CHL1: variants seen among roughly 807,000 people sequenced by gnomAD.
CHL1 encodes neural cell adhesion molecule L1-like protein.
Under a neutral mutation model 141.9 loss-of-function variants are expected in CHL1, and 96 were observed. The ratio of observed to expected loss-of-function variants is 0.68; its 90% confidence interval spans 0.57 to 0.80. CHL1 has a LOEUF of 0.80. CHL1 is among the 30% of genes least tolerant of loss of function. The pLI is 0.00. For missense variants in CHL1, 1,820 were observed against 1,457.2 expected (o/e 1.25, Z -4.05); for synonymous variants, 613 against 502.2 (o/e 1.22, Z -2.95).
At chr3:358,704 A>C (rs764398432) in intron 11 of CHL1, among the ~76,000 whole-genome samples, 11 of 152,062 alleles carry the variant, frequency 7.2e-5, no homozygotes, top group Non-Finnish European at 1.5e-4. Flanking sequence ...CTCACAGTCA[A>C]GTGAAAAAAA....
chr3:290,983 C>T (rs1019255445), intron 2 of CHL1, among the ~76,000 whole-genome samples: 2 of 150,944 alleles, frequency 1.3e-5, no homozygotes, highest in African/African-American at 4.9e-5. Flanking sequence ...TTAAAACCAC[C>T]AAATTGTTTA....
At chr3:393,070 A>G (rs1303816594) in intron 23 of CHL1, among the ~76,000 whole-genome samples, 2 of 151,984 alleles carry the variant, frequency 1.3e-5, no homozygotes, top group East Asian at 3.9e-4. Context: ...CGTCTCTATT[A>G]AAAATACAAA....
intron 2 of CHL1, among the ~76,000 whole-genome samples, chr3:266,030 G>A (rs1412844086): frequency 6.6e-6 from 1 of 152,182 alleles, no homozygotes; most frequent in Non-Finnish European, 1.5e-5. Flanking sequence ...TGGTATTATT[G>A]GGGGCAGCTC....
At chr3:314,293 C>G (rs1387685075) in intron 2 of CHL1, among the ~76,000 whole-genome samples, 1 of 129,816 alleles carries the variant, frequency 7.7e-6, no homozygotes, top group Non-Finnish European at 1.6e-5. Context: ...TCCCCCCAAT[C>G]TTGCACTCTC....
intron 19 of CHL1, 91 bp from the exon 20 acceptor site, chr3:389,161 A>G (rs1559347555): frequency 1.0e-6 from 1 of 965,362 alleles, no homozygotes; most frequent in Non-Finnish European, 1.6e-6. Flanking sequence ...ATTTCATTAC[A>G]TTGTTCCTTA....
At chr3:392,652 G>C (rs981310189) in intron 23 of CHL1, among the ~76,000 whole-genome samples, 2 of 152,162 alleles carry the variant, frequency 1.3e-5, no homozygotes, top group African/African-American at 4.8e-5. Flanking sequence ...CAGAAATACA[G>C]AGACCCAGCA....
At position 284,642 on chromosome 3, in the gene CHL1, G is replaced by T. The variant is rs548422708; in HGVS notation, c.-94-35041G>T. 3.3e-5 allele frequency among the ~76,000 whole-genome samples: 5 copies of T among 152,304 alleles called. 1 individual carries two copies. Among genetic ancestry groups the T allele is most frequent in the African/African-American group, 1.2e-4 (5 of 41,566 alleles). ...GAACTAGTGATTGTTCACTGAAAAA[G>T]ACAAATTTTAGTTCTATCTTCATGA... On this transcript the variant is annotated intron_variant, in intron 2 of 27. Coordinates refer to ENST00000256509, the MANE Select transcript of CHL1 (RefSeq NM_006614.4).
intron 15 of CHL1, chr3:376,292 A>C: frequency 2.1e-6 from 1 of 468,424 alleles, no homozygotes; most frequent in South Asian, 1.7e-5. Flanking sequence ...TATGTGTGAC[A>C]ACTATTTGTG....
chr3:332,899 C>T (rs1290049832), intron 5 of CHL1, among the ~76,000 whole-genome samples: 1 of 151,946 alleles, frequency 6.6e-6, no homozygotes, highest in East Asian at 1.9e-4. Flanking sequence ...GCTATGGAGA[C>T]ACAAAGGAAA....
chr3:366,192 C>A, intron 15 of CHL1, 77 bp downstream of exon 15: 3 of 1,412,354 alleles, frequency 2.1e-6, no homozygotes, highest in South Asian at 1.2e-5. Context: ...AGTTCTAGGT[C>A]GGGCATGCTG....
rs1434461987 is a variant in CHL1, at chr3:381,732, GC to G, written c.1877-444del. ...GGCTCATGGATGTGGCTCCCTTTAG[GC>G]CCTCAGGAAGAAATTTACAAAAAAT... On this transcript the variant is annotated intron_variant, in intron 16 of 27. Coordinates refer to ENST00000256509, the MANE Select transcript of CHL1 (RefSeq NM_006614.4). Among the ~76,000 whole-genome samples, 13 of 152,188 alleles carry G rather than the reference GC, an allele frequency of 8.5e-5. No individual in the cohort carries two copies. In the East Asian group the frequency reaches 1.7e-3, roughly 20 times the overall value.
chr3:313,081 C>A (rs965700801), intron 2 of CHL1, among the ~76,000 whole-genome samples: 1 of 151,898 alleles, frequency 6.6e-6, no homozygotes, highest in Non-Finnish European at 1.5e-5. Context: ...TTTTTCCCTT[C>A]TTTTTTGGCT....
At position 301,495 on chromosome 3, in the gene CHL1, A is replaced by G. The variant is rs922527402; in HGVS notation, c.-94-18188A>G. Among the ~76,000 whole-genome samples the G allele has an allele frequency of 2.0e-5, 3 of 152,214 alleles. 1 individual carries two copies. In the East Asian group the frequency reaches 5.8e-4, roughly 29 times the overall value. ...AGCCAGCAGCTATATTTTGAGTACC[A>G]TTATCCCCACTGAATAATTCAACAC... On this transcript the variant is annotated intron_variant, in intron 2 of 27. Coordinates refer to ENST00000256509, the MANE Select transcript of CHL1 (RefSeq NM_006614.4).
chr3:218,862 G>C (rs1033861501), intron 1 of CHL1, among the ~76,000 whole-genome samples: 1 of 152,148 alleles, frequency 6.6e-6, no homozygotes, highest in Non-Finnish European at 1.5e-5. Flanking sequence ...AAGTCAAAAA[G>C]TAGGCCGGGC....
chr3:237,312 C>A (rs1173384291), intron 1 of CHL1, among the ~76,000 whole-genome samples: 1 of 152,162 alleles, frequency 6.6e-6, no homozygotes, highest in African/African-American at 2.4e-5. Context: ...CCCTTGCTTC[C>A]CCTTCACCTT....
chr3:263,054 G>A (rs1694865853), intron 2 of CHL1, among the ~76,000 whole-genome samples: 1 of 152,206 alleles, frequency 6.6e-6, no homozygotes. Flanking sequence ...ACCACTTCAA[G>A]TGCTATGCAA....
At chr3:292,362 C>T (rs1697767648) in intron 2 of CHL1, among the ~76,000 whole-genome samples, 1 of 152,158 alleles carries the variant, frequency 6.6e-6, no homozygotes, top group African/African-American at 2.4e-5. Context: ...TTGACTTTCC[C>T]ACATATTTCC....
intron 3 of CHL1, among the ~76,000 whole-genome samples, chr3:323,776 G>A (rs1666273717): frequency 6.6e-6 from 1 of 152,068 alleles, no homozygotes; most frequent in Non-Finnish European, 1.5e-5. Context: ...GAGGCGGGAG[G>A]ATTACTTGAG....
At chr3:323,969 A>T (rs1467912123) in intron 3 of CHL1, among the ~76,000 whole-genome samples, 1 of 152,148 alleles carries the variant, frequency 6.6e-6, no homozygotes, top group Non-Finnish European at 1.5e-5. Flanking sequence ...ATTTACTTTA[A>T]CATTGAATTA....
Sources: gnomAD v4.1 joint callset for allele counts (sites outside exome capture counted in the v4.1 genomes callset) on GRCh38, gnomAD v4.1.1 for gene constraint, MANE v1.5 for transcripts, NCBI Gene and HGNC (gene_info 2026-07-23, HGNC 2026-07-21) for gene names.